DLGAP2: variants seen among roughly 807,000 people sequenced by gnomAD.
DLGAP2 encodes the protein DLG associated protein 2.
Under a neutral mutation model 100.3 loss-of-function variants are expected in DLGAP2, and 26 were observed. That is an observed-to-expected ratio of 0.26 (90% CI 0.19 to 0.36). The LOEUF is 0.36. DLGAP2 is among the 10% of genes least tolerant of loss of function. The pLI, the probability that DLGAP2 is intolerant of heterozygous loss-of-function variation, is 1.00. For missense variants in DLGAP2, 1,858 were observed against 1,453.2 expected, an observed-to-expected ratio of 1.28 and a Z score of -4.53; for synonymous variants, 886 against 630.1, an observed-to-expected ratio of 1.41 and a Z score of -6.08.
At chr8:1,508,664 C>G (rs184352575) in intron 4 of DLGAP2, among the ~76,000 whole-genome samples, 1 of 149,242 alleles carries the variant, frequency 6.7e-6, no homozygotes, top group Non-Finnish European at 1.5e-5. Flanking sequence ...GTAGCAGGCT[C>G]AACGTGGCGG....
intron 1 of DLGAP2, among the ~76,000 whole-genome samples, chr8:762,702 C>A (rs1162436380): frequency 1.3e-5 from 2 of 152,192 alleles, no homozygotes; most frequent in South Asian, 2.1e-4. Context: ...GACAGGGTCT[C>A]ACTCTAGCCC....
intron 2 of DLGAP2, among the ~76,000 whole-genome samples, chr8:947,521 G>C (rs1274970547): frequency 2.0e-5 from 3 of 152,228 alleles, no homozygotes; most frequent in African/African-American, 7.2e-5. Context: ...CGTGGAGCCT[G>C]TGGTGGCTGC....
At chr8:1,156,237 C>T (rs954463533) in intron 2 of DLGAP2, among the ~76,000 whole-genome samples, 1 of 152,136 alleles carries the variant, frequency 6.6e-6, no homozygotes, top group East Asian at 1.9e-4. Context: ...AACCTGAAAC[C>T]CAGGACCCGG....
chr8:1,377,282 C>T (rs113187202), intron 3 of DLGAP2, among the ~76,000 whole-genome samples: 14 of 152,278 alleles, frequency 9.2e-5, no homozygotes, highest in South Asian at 6.2e-4. Flanking sequence ...CAGTGGCTCA[C>T]GCCTGTAATC....
chr8:1,164,399 T>A (rs1796972602), intron 2 of DLGAP2, among the ~76,000 whole-genome samples: 2 of 149,398 alleles, frequency 1.3e-5, no homozygotes. Flanking sequence ...CCAGGGCCCG[T>A]CGTTTTGGTT....
intron 3 of DLGAP2, among the ~76,000 whole-genome samples, chr8:1,452,401 G>T (rs1423973232): frequency 6.6e-6 from 1 of 152,242 alleles, no homozygotes; most frequent in Non-Finnish European, 1.5e-5. Context: ...CGTGCGACAG[G>T]TTCATCAGCC....
At chr8:1,557,928 G>A (rs542583019) in intron 5 of DLGAP2, among the ~76,000 whole-genome samples, 58 of 152,300 alleles carry the variant, frequency 3.8e-4, no homozygotes, top group Non-Finnish European at 1.9e-4. Flanking sequence ...TTCAACATAG[G>A]AATTTGGAGG....
At chr8:1,595,576 A>G (rs1796428170) in intron 6 of DLGAP2, among the ~76,000 whole-genome samples, 1 of 150,502 alleles carries the variant, frequency 6.6e-6, no homozygotes, top group African/African-American at 2.4e-5. Flanking sequence ...CTGAGGCAGG[A>G]GAATGGCGTG....
chr8:1,558,849 C>T (rs190289036), intron 5 of DLGAP2, among the ~76,000 whole-genome samples: 41 of 132,424 alleles, frequency 3.1e-4, no homozygotes, highest in Admixed American at 1.1e-3. Flanking sequence ...ACCCATATAC[C>T]TGCACACACA....
rs866298783 is a variant in DLGAP2, at chr8:882,265, A to C, written c.19-25647A>C. Among the ~76,000 whole-genome samples, 364 of 148,752 alleles carry C rather than the reference A, an allele frequency of 2.4e-3. 2 individuals carry two copies. The highest frequency in any genetic ancestry group is 9.2e-3 in the African/African-American group (355 of 38,508). ...ATCTGCGGAGGCCTCTCCTGCGGGC[A>C]CCCGTGCCTGGCCCAGCGGCACCTC... On this transcript the variant is annotated intron_variant, in intron 1 of 14. Coordinates refer to ENST00000637795, the MANE Select transcript of DLGAP2 (RefSeq NM_001346810.2).
In DLGAP2 at chr8:1,537,728, TGGAAGGAAGGAAGGAAGGAAGGAA is replaced by T. The variant is rs10523091; in HGVS notation, c.173-10862_173-10839del. 1.1e-3 allele frequency among the ~76,000 whole-genome samples: 146 copies of T among 136,664 alleles called. 1 individual carries two copies. The highest frequency in any genetic ancestry group is 3.5e-3 in the Middle Eastern group (1 of 282). 89.7% of individuals were successfully genotyped at this position (136,664 alleles called of 152,430 possible). On this transcript the variant is annotated intron_variant, in intron 4 of 14. Coordinates refer to ENST00000637795, the MANE Select transcript of DLGAP2 (RefSeq NM_001346810.2). Reference sequence around the variant, plus strand: ...AAGGATGGATGGATGGATGAAAGGATGGAAGGAAGGAAGGAAGGAAGGAAGGAAGGAAGGAAGGAAGGAAGGAAG... The same window carrying T: ...AAGGATGGATGGATGGATGAAAGGATGGAAGGAAGGAAGGAAGGAAGGAAG...
intron 1 of DLGAP2, among the ~76,000 whole-genome samples, chr8:781,116 C>G (rs1274237179): frequency 2.0e-5 from 3 of 152,104 alleles, no homozygotes; most frequent in Non-Finnish European, 4.4e-5. Context: ...TCTTTATTCC[C>G]TTAAGAGTAA....
chr8:850,429 AT>A (rs1231483431), intron 1 of DLGAP2, among the ~76,000 whole-genome samples: 2 of 152,324 alleles, frequency 1.3e-5, no homozygotes, highest in Non-Finnish European at 2.9e-5. Flanking sequence ...AAGAAAAAAA[AT>A]CATCAAATTT....
At chr8:1,124,520 T>C (rs1375466042) in intron 2 of DLGAP2, among the ~76,000 whole-genome samples, 2 of 152,246 alleles carry the variant, frequency 1.3e-5, no homozygotes, top group Non-Finnish European at 2.9e-5. Flanking sequence ...TCATCAAATA[T>C]ACTTTTCTGT....
chr8:1,144,227 T>A (rs1796568621), intron 2 of DLGAP2, among the ~76,000 whole-genome samples: 2 of 152,202 alleles, frequency 1.3e-5, no homozygotes, highest in Admixed American at 1.3e-4. Flanking sequence ...CTTAGGAAGA[T>A]AATGAATATA....
intron 3 of DLGAP2, among the ~76,000 whole-genome samples, chr8:1,443,135 TG>T (rs1184067121): frequency 5.3e-5 from 8 of 152,232 alleles, no homozygotes; most frequent in African/African-American, 1.9e-4. Context: ...AAAAGTTTTA[TG>T]TTATGAAAGT....
At chr8:1,279,048 C>T (rs1266449387) in intron 3 of DLGAP2, among the ~76,000 whole-genome samples, 2 of 152,130 alleles carry the variant, frequency 1.3e-5, no homozygotes, top group African/African-American at 4.8e-5. Flanking sequence ...ATACTCACCC[C>T]AGGGGGTGTG....
rs964118705 is a variant in DLGAP2 at position 753,748 on chromosome 8, G to C, written c.18+15923G>C. 7 of 152,240 alleles carry C rather than the reference G, an allele frequency of 4.6e-5. No homozygotes were observed. The East Asian group carries it at 7.7e-4, about 17-fold the overall frequency. The allele number at this position is 152,240 out of a possible 1,614,324, so 9.4% of individuals were successfully genotyped here. A position where few individuals can be genotyped will look rare whatever the true frequency, so the allele number is the denominator to read the frequency against. On this transcript the variant is annotated intron_variant, in intron 1 of 14. Transcript: ENST00000637795. ...CCTTATCCACTCCACAGACACACTT[G>C]CGTGTCCTCTAAGATGATCCAAGAT... is the stretch of plus-strand genomic sequence containing the variant.
chr8:1,178,452 C>T (rs1797308480), intron 2 of DLGAP2, among the ~76,000 whole-genome samples: 1 of 152,140 alleles, frequency 6.6e-6, no homozygotes, highest in South Asian at 2.1e-4. Context: ...TTCTGTCCTG[C>T]TTCTGCTATA....
Sources: gnomAD v4.1 joint callset for allele counts (sites outside exome capture counted in the v4.1 genomes callset) on GRCh38, gnomAD v4.1.1 for gene constraint, MANE v1.5 for transcripts, NCBI Gene and HGNC (gene_info 2026-07-23, HGNC 2026-07-21) for gene names.